SPAG17: variants seen among roughly 807,000 people sequenced by gnomAD.
SPAG17 encodes the protein sperm associated antigen 17, also known as sperm-associated antigen 17.
A neutral mutation model predicts 273.6 loss-of-function variants in SPAG17; 169 were observed. That is an observed-to-expected ratio of 0.62 (90% CI 0.55 to 0.70). SPAG17 has a LOEUF of 0.70. Ranked by LOEUF, SPAG17 falls within the 30% of genes least tolerant of loss-of-function variation. The probability of loss-of-function intolerance (pLI) is 0.00; values close to 1 mark genes in which losing one functional copy is unlikely to be tolerated. For missense variants in SPAG17, 2,557 were observed against 2,627.8 expected (o/e 0.97, Z 0.59); for synonymous variants, 825 against 873.2 (o/e 0.94, Z 0.97).
At chr1:118,085,520 G>A (rs530108028) in intron 13 of SPAG17, among the ~76,000 whole-genome samples, 57 of 152,244 alleles carry the variant, frequency 3.7e-4, no homozygotes, top group African/African-American at 1.3e-3. Flanking sequence ...ATGCGTGCGT[G>A]CATACGCGTG....
At chr1:118,061,173 C>T (rs1301773970) in intron 18 of SPAG17, among the ~76,000 whole-genome samples, 1 of 152,118 alleles carries the variant, frequency 6.6e-6, no homozygotes, top group Non-Finnish European at 1.5e-5. Context: ...AATAGAACAA[C>T]CATATGATCC....
chr1:117,955,290 A>G, intron 48 of SPAG17: 1 of 1,597,632 alleles, frequency 6.3e-7, no homozygotes, highest in South Asian at 1.1e-5. Flanking sequence ...GAGTATCACT[A>G]ATGGTATTAA....
chr1:118,122,312 T>C (rs1388785397), intron 3 of SPAG17, among the ~76,000 whole-genome samples: 1 of 152,240 alleles, frequency 6.6e-6, no homozygotes, highest in Non-Finnish European at 1.5e-5. Flanking sequence ...TGTTCTCACA[T>C]AAGATTCCAA....
intron 7 of SPAG17, among the ~76,000 whole-genome samples, chr1:118,094,043 C>T (rs1655556775): frequency 6.6e-6 from 1 of 152,106 alleles, no homozygotes; most frequent in African/African-American, 2.4e-5. Context: ...ATAGGCTCAT[C>T]CTATGTCTGA....
At position 118,153,092 on chromosome 1, in the gene SPAG17, G is replaced by A. The variant is rs149994412; in HGVS notation, c.88-1723C>T. Among the ~76,000 whole-genome samples, 591 of 152,246 alleles carry A rather than the reference G, an allele frequency of 3.9e-3. 4 individuals carry two copies. Among genetic ancestry groups the A allele is most frequent in the Middle Eastern group, 0.02 (6 of 294 alleles). On this transcript the variant is annotated intron_variant, in intron 1 of 48. Coordinates refer to ENST00000336338, the MANE Select transcript of SPAG17 (RefSeq NM_206996.4). ...GAAAAGGCTGTCTTTCTGCTCTTTG[G>A]GGGGCAACTGAGAAAGAGGGTATTG...
chr1:118,103,698 T>A (rs1656211029), intron 4 of SPAG17, among the ~76,000 whole-genome samples: 1 of 152,038 alleles, frequency 6.6e-6, no homozygotes, highest in African/African-American at 2.4e-5. Context: ...GTGACTGCTA[T>A]GAAGAATAAA....
chr1:118,150,650 C>A, intron 2 of SPAG17, 21 bp from the exon 3 acceptor site: 2 of 1,337,412 alleles, frequency 1.5e-6, no homozygotes, highest in Admixed American at 2.0e-5. Context: ...ATTAAATTTA[C>A]TTATGATGAA....
chr1:118,172,498 G>T (rs1660461233), intron 1 of SPAG17, among the ~76,000 whole-genome samples: 1 of 152,044 alleles, frequency 6.6e-6, no homozygotes, highest in Non-Finnish European at 1.5e-5. Flanking sequence ...ATGCCCTTTT[G>T]CTACATGTAA....
chr1:118,042,354 G>A (rs1277799304), intron 20 of SPAG17, among the ~76,000 whole-genome samples: 1 of 151,992 alleles, frequency 6.6e-6, no homozygotes, highest in African/African-American at 2.4e-5. Flanking sequence ...CTCTTAACTG[G>A]TCTCCCAGTC....
At chr1:118,069,187 T>G (rs1653302176) in intron 17 of SPAG17, among the ~76,000 whole-genome samples, 1 of 151,566 alleles carries the variant, frequency 6.6e-6, no homozygotes, top group African/African-American at 2.4e-5. Flanking sequence ...CTACTAAAAA[T>G]ACAAAAAATC....
intron 46 of SPAG17, among the ~76,000 whole-genome samples, chr1:117,967,296 C>CAAA (rs5777330): frequency 8.1e-5 from 7 of 86,064 alleles, no homozygotes; most frequent in East Asian, 3.6e-4. Context: ...AACTCCATCT[C>CAAA]AAAAAAAAAA....
intron 38 of SPAG17, among the ~76,000 whole-genome samples, chr1:117,989,519 T>C (rs1261718519): frequency 6.6e-6 from 1 of 151,924 alleles, no homozygotes; most frequent in African/African-American, 2.4e-5. Context: ...TCCACCCCCA[T>C]GACCCAAACA....
In SPAG17 at chr1:117,973,548, A is replaced by G. The variant is rs762998099; in HGVS notation, c.6018T>C (p.Tyr2006=). Residue 2006 remains tyrosine, a synonymous_variant, in exon 44 of 49, where the codon TAT becomes TAC. Coordinates refer to ENST00000336338, the MANE Select transcript of SPAG17 (RefSeq NM_206996.4). ...ACTGGGTTGGAATTTTCACGGGCTC[A>G]TAAGATTCTGCTTCTGTTAGAGAGA... The part of the protein sequence containing the change: ...LTKSPEEAES[Y]EPVKIPTQSL... 2.0e-5 allele frequency: 33 copies of G among 1,613,690 alleles called. No homozygotes were observed. Among genetic ancestry groups the G allele is most frequent in the Non-Finnish European group, 2.6e-5 (31 of 1,179,770 alleles).
At position 118,086,722 on chromosome 1, in the gene SPAG17, G is replaced by A; in HGVS notation, c.1560C>T (p.Pro520=). 6.2e-7 allele frequency: 1 copy of A among 1,614,092 alleles called. No homozygotes were observed. The highest frequency in any genetic ancestry group is 1.1e-5 in the South Asian group (1 of 91,072). ...ENESKAVPKG[P]LLLNYHDAHA... ...GTGCATCATGATAGTTCAGTAGGAG[G>A]GGGCCTTTGGGCACTGCTTTGCTTT... is the stretch of plus-strand genomic sequence containing the variant. The change falls in exon 12 of 49, where the codon CCC becomes CCT. Residue 520 remains proline (P), a synonymous_variant. Coordinates refer to ENST00000336338, the MANE Select transcript of SPAG17 (RefSeq NM_206996.4).
At chr1:117,959,035 A>G (rs1368634258) in intron 48 of SPAG17, 1 of 1,596,434 alleles carries the variant, frequency 6.3e-7, no homozygotes, top group East Asian at 2.2e-5. Context: ...TAAAATAATG[A>G]GGCAAATTCC....
intron 6 of SPAG17, among the ~76,000 whole-genome samples, chr1:118,098,074 C>T (rs10494204): frequency 0.051 from 7,739 of 152,172 alleles, 373 homozygotes; most frequent in East Asian, 0.25. Flanking sequence ...TATCTCATGC[C>T]TTCATTTTAT....
intron 3 of SPAG17, among the ~76,000 whole-genome samples, chr1:118,124,642 C>T (rs926341865): frequency 1.3e-5 from 2 of 152,210 alleles, no homozygotes; most frequent in African/African-American, 4.8e-5. Flanking sequence ...GGTTATGTAG[C>T]ACACACCCTG....
chr1:117,982,698 A>G (rs1655972610), intron 42 of SPAG17, among the ~76,000 whole-genome samples: 1 of 152,226 alleles, frequency 6.6e-6, no homozygotes, highest in Non-Finnish European at 1.5e-5. Context: ...GTAATTTAAC[A>G]ATGTCCTCTC....
intron 1 of SPAG17, among the ~76,000 whole-genome samples, chr1:118,154,445 T>C (rs570295564): frequency 6.6e-6 from 1 of 152,268 alleles, no homozygotes; most frequent in South Asian, 2.1e-4. Context: ...CTAGCAAATG[T>C]GCAATATTCA....
Sources: allele counts gnomAD v4.1 joint callset (sites outside exome capture counted in the v4.1 genomes callset), GRCh38; gene constraint gnomAD v4.1.1; transcripts MANE v1.5; gene names NCBI Gene and HGNC (gene_info 2026-07-23, HGNC 2026-07-21).